Variants in LPGAT1 observed in about 807,000 individuals in gnomAD.
LPGAT1 encodes acyl-CoA:lysophosphatidylglycerol acyltransferase 1.
A neutral mutation model predicts 47.5 loss-of-function variants in LPGAT1; 11 were observed. The observed-to-expected ratio is 0.23, with a 90% CI of 0.15 to 0.38. The LOEUF (loss-of-function observed/expected upper bound fraction) is 0.38, where lower values mean the gene tolerates loss of function less well. Among genes scored for constraint, LPGAT1 ranks in the 10% least tolerant of loss-of-function variants. The probability of loss-of-function intolerance (pLI) is 1.00; values close to 1 mark genes in which losing one functional copy is unlikely to be tolerated. For missense variants in LPGAT1, 293 were observed against 439.0 expected (o/e 0.67, Z 2.97); for synonymous variants, 138 against 144.2 (o/e 0.96, Z 0.31).
At chr1:211,777,324 A>T (rs1465741173) in intron 6 of LPGAT1, among the ~76,000 whole-genome samples, 1 of 152,062 alleles carries the variant, frequency 6.6e-6, no homozygotes, top group Non-Finnish European at 1.5e-5. Context: ...CACAGGTACT[A>T]CCTCTCCTCT....
At chr1:211,788,966 G>A (rs183607487) in intron 3 of LPGAT1, among the ~76,000 whole-genome samples, 3 of 152,286 alleles carry the variant, frequency 2.0e-5, no homozygotes, top group East Asian at 1.9e-4. Flanking sequence ...GCCCACAGAT[G>A]ATATAATATT....
chr1:211,811,065 T>A (rs1480034345), intron 2 of LPGAT1, among the ~76,000 whole-genome samples: 1 of 152,212 alleles, frequency 6.6e-6, no homozygotes, highest in African/African-American at 2.4e-5. Flanking sequence ...TCTAGTCTCT[T>A]GCTGATATTT....
intron 6 of LPGAT1, among the ~76,000 whole-genome samples, chr1:211,769,203 G>A (rs1022270449): frequency 1.3e-4 from 20 of 152,136 alleles, no homozygotes; most frequent in Admixed American, 4.6e-4. Context: ...GCAGGGTAGA[G>A]GTGATAGTGG....
Position 211,779,019 on chromosome 1 carries a change from C to G in LPGAT1, c.753G>C (p.Trp251Cys), listed in dbSNP as rs769588957. Residue 251 changes from tryptophan (W) to cysteine (C), a missense_variant, in exon 6 of 8, where the codon TGG becomes TGC. Trp to Cys is a radical substitution (Grantham distance 215). Transcript: ENST00000366997. ...GATAAGCTATCGTTGTATCTATTAT[C>G]CACTGGAGGCCTTTTGATTTGCTGT... is the stretch of plus-strand genomic sequence containing the variant. ...ELDSKSKGLQ[W>C]IIDTTIAYPK... The G allele has an allele frequency of 6.3e-7, 1 of 1,586,388 alleles. No homozygotes were observed. The highest frequency in any genetic ancestry group is 8.5e-7 in the Non-Finnish European group (1 of 1,172,170).
intron 3 of LPGAT1, among the ~76,000 whole-genome samples, chr1:211,791,720 C>T (rs532643667): frequency 7.4e-6 from 1 of 135,198 alleles, no homozygotes; most frequent in African/African-American, 2.6e-5. Flanking sequence ...GCACTCCAGC[C>T]TGGGCAACAG....
At chr1:211,781,445 C>G (rs1658639559) in intron 5 of LPGAT1, among the ~76,000 whole-genome samples, 1 of 152,214 alleles carries the variant, frequency 6.6e-6, no homozygotes, top group Non-Finnish European at 1.5e-5. Context: ...GCCATTGCCA[C>G]AGTGTCTCTC....
At chr1:211,763,548 T>C (rs756480075) in intron 6 of LPGAT1, among the ~76,000 whole-genome samples, 3 of 152,212 alleles carry the variant, frequency 2.0e-5, no homozygotes, top group South Asian at 2.1e-4. Flanking sequence ...ATTACAGCAA[T>C]AGAAAATTAA....
In LPGAT1 at chr1:211,784,827, A is replaced by G. The variant is rs546846896; in HGVS notation, c.454-1325T>C. On this transcript the variant is annotated intron_variant, in intron 4 of 7. Transcript: ENST00000366997. ...TTCTTTTTTTTTTTTTTTTTGAGAC[A>G]GAGTCTCGCTCTGTTGCCCAGGCTG... 1.2e-4 allele frequency among the ~76,000 whole-genome samples: 17 copies of G among 145,926 alleles called. No homozygotes were observed. The South Asian group carries it at 1.5e-3, about 13-fold the overall frequency.
chr1:211,757,731 A>C (rs1415417537), intron 6 of LPGAT1, among the ~76,000 whole-genome samples: 1 of 152,236 alleles, frequency 6.6e-6, no homozygotes, highest in East Asian at 1.9e-4. Flanking sequence ...AGAGACAAGG[A>C]GATAAAATTT....
intron 6 of LPGAT1, 43 bp from the exon 7 acceptor site, chr1:211,751,110 G>T: frequency 7.8e-7 from 1 of 1,287,294 alleles, no homozygotes; most frequent in Non-Finnish European, 1.1e-6. Context: ...ATTTAGTTCA[G>T]AAGTCAAAAT....
intron 6 of LPGAT1, among the ~76,000 whole-genome samples, chr1:211,754,334 T>C (rs1263422284): frequency 6.6e-6 from 1 of 152,200 alleles, no homozygotes; most frequent in African/African-American, 2.4e-5. Context: ...AGTTCTATGG[T>C]ATAAGGTTGG....
chr1:211,829,710 G>A, intron 1 of LPGAT1: 1 of 1,027,196 alleles, frequency 9.7e-7, no homozygotes, highest in East Asian at 8.9e-5. Flanking sequence ...TGACATGACC[G>A]AAACAGGGTC....
chr1:211,813,749 C>T (rs966936484), intron 2 of LPGAT1, among the ~76,000 whole-genome samples: 5 of 152,214 alleles, frequency 3.3e-5, no homozygotes, highest in Non-Finnish European at 7.3e-5. Flanking sequence ...TCTGTACAAG[C>T]TTCTTAGCTG....
chr1:211,788,237 G>A (rs1658965614), intron 3 of LPGAT1, among the ~76,000 whole-genome samples: 3 of 152,094 alleles, frequency 2.0e-5, no homozygotes, highest in African/African-American at 2.4e-5. Context: ...CTATTATGAA[G>A]AATATTTATT....
In LPGAT1 at chr1:211,745,008, T is replaced by C. The variant is rs1656888077; in HGVS notation, c.*4891A>G. 1 of 152,622 alleles carries C rather than the reference T, an allele frequency of 6.6e-6. No homozygotes were observed. Among genetic ancestry groups the C allele is most frequent in the African/African-American group, 2.4e-5 (1 of 41,446 alleles). The allele number at this position is 152,622 out of a possible 1,614,324, so 9.5% of individuals were successfully genotyped here. On this transcript the variant is annotated 3_prime_UTR_variant, in exon 8 of 8. Transcript: ENST00000366997. Reference sequence around the variant, plus strand: ...AATTGAAAAAAATCAACTTTATTTTTTCTAGGTTTAAAAAAAATAGAACCA... The same window carrying C: ...AATTGAAAAAAATCAACTTTATTTTCTCTAGGTTTAAAAAAAATAGAACCA...
chr1:211,755,711 A>G (rs1184897289), intron 6 of LPGAT1, among the ~76,000 whole-genome samples: 1 of 151,890 alleles, frequency 6.6e-6, no homozygotes, highest in Non-Finnish European at 1.5e-5. Context: ...AAAAAAAAAA[A>G]GAACTCACAT....
intron 2 of LPGAT1, 36 bp downstream of exon 2, chr1:211,829,023 T>G (rs755059116): frequency 3.1e-6 from 5 of 1,602,122 alleles, no homozygotes; most frequent in Non-Finnish European, 4.3e-6. Context: ...GACAAATTTT[T>G]TCTTATGCAT....
chr1:211,826,424 G>A (rs2102612131), intron 2 of LPGAT1, among the ~76,000 whole-genome samples: 1 of 152,298 alleles, frequency 6.6e-6, no homozygotes, highest in South Asian at 2.1e-4. Context: ...GAAGTGTTCT[G>A]TATCTGCACT....
In LPGAT1 at chr1:211,830,552, G is replaced by T; in HGVS notation, c.-28+21C>A. On this transcript the variant is annotated intron_variant, in intron 1 of 7. Transcript: ENST00000366997. This position sits in a 1 kb window ranked among gnomAD's most constrained non-coding sequence, Gnocchi z 5.9. ...GCTCCGCTGCCGCTCTGGGGCCTGC[G>T]ACCGCGGAGCCGGAGGTTACCTCGG... 5 of 1,193,842 alleles carry T rather than the reference G, an allele frequency of 4.2e-6. No homozygotes were observed. The South Asian group carries it at 2.1e-4, about 50-fold the overall frequency. 74.0% of individuals were successfully genotyped at this position (1,193,842 alleles called of 1,614,324 possible).
Sources: gnomAD v4.1 joint callset for allele counts (sites outside exome capture counted in the v4.1 genomes callset) on GRCh38, gnomAD v4.1.1 for gene constraint, Gnocchi (gnomAD v3.1) non-coding constraint, MANE v1.5 for transcripts, NCBI Gene and HGNC (gene_info 2026-07-23, HGNC 2026-07-21) for gene names.